CDH20: variants seen among roughly 807,000 people sequenced by gnomAD.
CDH20 encodes cadherin 20.
Under a neutral mutation model 74.2 loss-of-function variants are expected in CDH20, and 29 were observed. The ratio of observed to expected loss-of-function variants is 0.39; its 90% confidence interval spans 0.29 to 0.53. The LOEUF (loss-of-function observed/expected upper bound fraction) is 0.53, where lower values mean the gene tolerates loss of function less well. Ranked by LOEUF, CDH20 falls within the 20% of genes least tolerant of loss-of-function variation. The pLI is 0.69. For missense variants in CDH20, 988 were observed against 1,048.3 expected (o/e 0.94, Z 0.79); for synonymous variants, 469 against 405.4 (o/e 1.16, Z -1.88).
chr18:61,475,342 A>G (rs1158348067), intron 1 of CDH20, among the ~76,000 whole-genome samples: 1 of 152,228 alleles, frequency 6.6e-6, no homozygotes, highest in Non-Finnish European at 1.5e-5. Context: ...TTGGATGGCT[A>G]GAAGTGCCAA....
chr18:61,417,414 A>G (rs1912721725), intron 1 of CDH20, among the ~76,000 whole-genome samples: 1 of 152,072 alleles, frequency 6.6e-6, no homozygotes, highest in African/African-American at 2.4e-5. Context: ...TGAATGGGTA[A>G]TGAAATTACA....
chr18:61,427,193 TAATAACATTACATAC>T (rs914065047), intron 1 of CDH20, among the ~76,000 whole-genome samples: 6 of 152,186 alleles, frequency 3.9e-5, no homozygotes, highest in African/African-American at 9.7e-5. Flanking sequence ...CCTGTATAAT[TAATAACATTACATAC>T]AATAACATTA....
In CDH20 at chr18:61,437,891, G is replaced by A. The variant is rs140290532; in HGVS notation, c.-152-52511G>A. Among the ~76,000 whole-genome samples, 16 of 152,070 alleles carry A rather than the reference G, an allele frequency of 1.1e-4. No homozygotes were observed. In the East Asian group the frequency reaches 1.5e-3, roughly 15 times the overall value. On this transcript the variant is annotated intron_variant, in intron 1 of 11. Transcript: ENST00000262717. ...CATTCTGTCCATACTATGTTTTCAC[G>A]TTGGGTTAAATGATTAATACAGGGA... is the stretch of plus-strand genomic sequence containing the variant.
intron 6 of CDH20, among the ~76,000 whole-genome samples, chr18:61,527,384 TA>T (rs1216925110): frequency 6.6e-6 from 1 of 150,570 alleles, no homozygotes; most frequent in African/African-American, 2.5e-5. Flanking sequence ...GATAGATAGA[TA>T]GATAGATAGA....
intron 1 of CDH20, among the ~76,000 whole-genome samples, chr18:61,367,482 A>G (rs1910899336): frequency 6.6e-6 from 1 of 152,166 alleles, no homozygotes; most frequent in African/African-American, 2.4e-5. Flanking sequence ...CACTGGTCTA[A>G]AATCAAGGGG....
intron 5 of CDH20, 124 bp from the exon 6 acceptor site, chr18:61,507,249 T>A (rs909484133): frequency 5.6e-6 from 5 of 888,090 alleles, no homozygotes; most frequent in Non-Finnish European, 8.8e-6. Flanking sequence ...CTGTAAAAAC[T>A]CAAGTTTTAC....
intron 1 of CDH20, among the ~76,000 whole-genome samples, chr18:61,357,364 T>C (rs1391269667): frequency 6.6e-6 from 1 of 152,184 alleles, no homozygotes; most frequent in African/African-American, 2.4e-5. Context: ...AAGCAAGAGA[T>C]TTAAACTCAT....
chr18:61,469,232 T>G (rs569740871), intron 1 of CDH20, among the ~76,000 whole-genome samples: 1 of 152,238 alleles, frequency 6.6e-6, no homozygotes, highest in South Asian at 2.1e-4. Flanking sequence ...ACCATTGCTC[T>G]GGCTGGTTAT....
At chr18:61,402,872 G>C (rs2109541) in intron 1 of CDH20, among the ~76,000 whole-genome samples, 1 of 151,992 alleles carries the variant, frequency 6.6e-6, no homozygotes. Context: ...CCATGTTATC[G>C]TGCATTCTGA....
chr18:61,399,507 T>C (rs1276305386), intron 1 of CDH20, among the ~76,000 whole-genome samples: 2 of 152,172 alleles, frequency 1.3e-5, no homozygotes, highest in Non-Finnish European at 2.9e-5. Context: ...AATCCCATCA[T>C]GTTTTGTTCA....
chr18:61,459,018 C>A (rs928462468), intron 1 of CDH20, among the ~76,000 whole-genome samples: 1 of 152,128 alleles, frequency 6.6e-6, no homozygotes, highest in Non-Finnish European at 1.5e-5. Context: ...CTTTTTAATA[C>A]CATCTAGTTA....
intron 1 of CDH20, among the ~76,000 whole-genome samples, chr18:61,411,613 T>C (rs1299360437): frequency 1.4e-5 from 1 of 71,844 alleles, no homozygotes; most frequent in Non-Finnish European, 2.8e-5. Flanking sequence ...TATATATATA[T>C]ATATATGTGA....
intron 1 of CDH20, among the ~76,000 whole-genome samples, chr18:61,421,611 T>C (rs1456583652): frequency 6.6e-6 from 1 of 152,162 alleles, no homozygotes; most frequent in Non-Finnish European, 1.5e-5. Flanking sequence ...ACGAATCAAT[T>C]ATACATCTCA....
rs575133786 is a variant in CDH20 at position 61,420,623 on chromosome 18, G to A, written c.-152-69779G>A. On this transcript the variant is annotated intron_variant, in intron 1 of 11. Transcript: ENST00000262717. ...GAGTGGTTTCCAGGGGAGAGGTGCT[G>A]TGCCTGGGGCTGGAACTGCAGTGGT... is the stretch of plus-strand genomic sequence containing the variant. 3.3e-5 allele frequency among the ~76,000 whole-genome samples: 5 copies of A among 152,222 alleles called. No homozygotes were observed. In the South Asian group the frequency reaches 6.2e-4, roughly 19 times the overall value.
intron 1 of CDH20, among the ~76,000 whole-genome samples, chr18:61,373,397 T>C (rs1364046373): frequency 1.3e-5 from 2 of 152,076 alleles, no homozygotes; most frequent in Admixed American, 1.3e-4. Flanking sequence ...TATCCCCTAA[T>C]GACTATTACC....
chr18:61,353,739 A>G lies in CDH20; in HGVS notation c.-153+19912A>G, dbSNP rs1221618177. 6.6e-6 allele frequency among the ~76,000 whole-genome samples: 1 copy of G among 152,160 alleles called. No homozygotes were observed. Among genetic ancestry groups the G allele is most frequent in the African/African-American group, 2.4e-5 (1 of 41,448 alleles). ...CTAGCCAATACAGCAGCTACTAACT[A>G]CACAAGGACGTTCAGCTTTAAACTT... is the stretch of plus-strand genomic sequence containing the variant. On this transcript the variant is annotated intron_variant, in intron 1 of 11. Transcript: ENST00000262717. This position sits in a 1 kb window ranked among gnomAD's most constrained non-coding sequence, Gnocchi z 4.6.
chr18:61,499,524 A>G (rs1911286871), intron 3 of CDH20, 44 bp downstream of exon 3: 4 of 1,332,994 alleles, frequency 3.0e-6, no homozygotes, highest in Non-Finnish European at 3.1e-6. Flanking sequence ...CACCTCCTAT[A>G]TATATACACA....
intron 6 of CDH20, among the ~76,000 whole-genome samples, chr18:61,511,926 G>A (rs1911796919): frequency 6.6e-6 from 1 of 152,196 alleles, no homozygotes; most frequent in Admixed American, 6.5e-5. Context: ...TGGGTAGATG[G>A]ACAAATCACA....
Position 61,353,573 on chromosome 18 carries a change from G to A in CDH20, c.-153+19746G>A, listed in dbSNP as rs1599031711. Among the ~76,000 whole-genome samples, 1 of 152,162 alleles carries A rather than the reference G, an allele frequency of 6.6e-6. No individual in the cohort carries two copies. The highest frequency in any genetic ancestry group is 1.5e-5 in the Non-Finnish European group (1 of 68,042). ...TGAATATCCGACAGTGTGTATCACA[G>A]TGCTTTGCACATATTTTAGTGTTTG... On this transcript the variant is annotated intron_variant, in intron 1 of 11. Coordinates refer to ENST00000262717, the MANE Select transcript of CDH20 (RefSeq NM_031891.4). The surrounding 1 kb of genome is among the most constrained non-coding windows in gnomAD (Gnocchi z 4.6).
Sources: gnomAD v4.1 joint callset for allele counts (sites outside exome capture counted in the v4.1 genomes callset) on GRCh38, gnomAD v4.1.1 for gene constraint, Gnocchi (gnomAD v3.1) non-coding constraint, MANE v1.5 for transcripts, NCBI Gene and HGNC (gene_info 2026-07-23, HGNC 2026-07-21) for gene names.